KCNG2: variants seen among roughly 807,000 people sequenced by gnomAD.
KCNG2 encodes potassium voltage-gated channel modifier subfamily G member 2.
Under a neutral mutation model 12.3 loss-of-function variants are expected in KCNG2, and 7 were observed. The ratio of observed to expected loss-of-function variants is 0.57; its 90% CI spans 0.32 to 1.07. The LOEUF is 1.07. Ranked by LOEUF, KCNG2 falls within the 50% of genes least tolerant of loss-of-function variation. The pLI, the probability that KCNG2 is intolerant of heterozygous loss-of-function variation, is 0.04. For missense variants in KCNG2, 703 were observed against 726.0 expected (o/e 0.97, Z 0.36); for synonymous variants, 414 against 351.4 (o/e 1.18, Z -1.99).
At chr18:79,808,186 C>T (rs1328531335) in intron 1 of KCNG2, among the ~76,000 whole-genome samples, 1 of 94,120 alleles carries the variant, frequency 1.1e-5, no homozygotes, top group African/African-American at 4.5e-5. Flanking sequence ...AGTCCTCGCC[C>T]TGAGGAGCTG....
chr18:79,851,486 C>T (rs564532365), intron 1 of KCNG2, among the ~76,000 whole-genome samples: 7 of 152,236 alleles, frequency 4.6e-5, no homozygotes, highest in South Asian at 4.1e-4. Flanking sequence ...GGAGCGCCTC[C>T]GACACTCAGA....
chr18:79,865,973 T>C (rs960053053), intron 3 of KCNG2, among the ~76,000 whole-genome samples: 1 of 133,532 alleles, frequency 7.5e-6, no homozygotes, highest in African/African-American at 2.8e-5. Context: ...GAGAGGACTG[T>C]GTGCCGAGGT....
At chr18:79,889,976 T>C (rs1980689636) in intron 3 of KCNG2, among the ~76,000 whole-genome samples, 1 of 152,256 alleles carries the variant, frequency 6.6e-6, no homozygotes, top group Non-Finnish European at 1.5e-5. Flanking sequence ...GTTGACATGA[T>C]TGTGTGATTT....
At chr18:79,889,591 T>C (rs1391100453) in intron 3 of KCNG2, among the ~76,000 whole-genome samples, 1 of 152,264 alleles carries the variant, frequency 6.6e-6, no homozygotes, top group African/African-American at 2.4e-5. Flanking sequence ...TCGCATATTC[T>C]ACAACCTTGT....
chr18:79,875,756 C>G (rs533485296), intron 3 of KCNG2: 2 of 152,598 alleles, frequency 1.3e-5, no homozygotes, highest in African/African-American at 4.8e-5. Context: ...GCCTGGGTCT[C>G]TGCTGCTGAA....
intron 1 of KCNG2, among the ~76,000 whole-genome samples, chr18:79,827,724 G>A (rs896128135): frequency 1.3e-5 from 2 of 152,084 alleles, no homozygotes; most frequent in African/African-American, 4.8e-5. Context: ...ACCCAGTGCC[G>A]CAGCTCTGGA....
In KCNG2 at chr18:79,797,957, C is replaced by T. The variant is rs2087374860; in HGVS notation, c.-172C>T. Among the ~76,000 whole-genome samples, 1 of 151,408 alleles carries T rather than the reference C, an allele frequency of 6.6e-6. No homozygotes were observed. The highest frequency in any genetic ancestry group is 1.5e-5 in the Non-Finnish European group (1 of 67,778). ...GGCTCCAGAGACGCCGCGCTCCGCC[C>T]CGAGGAGGCCGCCGGCCGGGTAAGC... On this transcript the variant is annotated 5_prime_UTR_variant, in exon 1 of 4. Transcript: ENST00000316249.
intron 1 of KCNG2, among the ~76,000 whole-genome samples, chr18:79,827,202 C>T (rs1409611039): frequency 6.6e-6 from 1 of 152,220 alleles, no homozygotes; most frequent in East Asian, 1.9e-4. Flanking sequence ...AGCTGGGGCT[C>T]GGGCCAGACC....
At chr18:79,853,095 G>A (rs528237703) in intron 1 of KCNG2, among the ~76,000 whole-genome samples, 12 of 152,350 alleles carry the variant, frequency 7.9e-5, no homozygotes, top group Middle Eastern at 3.4e-3. Context: ...GCGGCAGTGC[G>A]TCCTGGTCAC....
intron 1 of KCNG2, among the ~76,000 whole-genome samples, chr18:79,832,708 G>A (rs1352347703): frequency 1.3e-5 from 2 of 152,208 alleles, no homozygotes; most frequent in Non-Finnish European, 2.9e-5. Flanking sequence ...GCCAGATCCT[G>A]CTCTCAGGAC....
intron 3 of KCNG2, among the ~76,000 whole-genome samples, chr18:79,868,636 G>A (rs1391818711): frequency 2.0e-5 from 3 of 152,372 alleles, no homozygotes; most frequent in Non-Finnish European, 2.9e-5. Context: ...GTCCAGCTGG[G>A]GGCTGGTGAA....
intron 1 of KCNG2, among the ~76,000 whole-genome samples, chr18:79,818,158 T>A (rs542423130): frequency 6.6e-6 from 1 of 152,230 alleles, no homozygotes; most frequent in Non-Finnish European, 1.5e-5. Context: ...TGGATCCATG[T>A]GTGGCTGCTG....
intron 3 of KCNG2, among the ~76,000 whole-genome samples, chr18:79,885,726 A>T (rs1415396982): frequency 6.6e-6 from 1 of 152,206 alleles, no homozygotes; most frequent in Non-Finnish European, 1.5e-5. Context: ...GGATGGGGAC[A>T]CACCGGGGAC....
At chr18:79,807,813 C>T in intron 1 of KCNG2, among the ~76,000 whole-genome samples, 1 of 145,880 alleles carries the variant, frequency 6.9e-6, no homozygotes, top group Non-Finnish European at 1.5e-5. Context: ...GTTATGGGCC[C>T]AGAGTCCGCG....
At chr18:79,878,740 C>T (rs747976299) in intron 3 of KCNG2, among the ~76,000 whole-genome samples, 6 of 152,154 alleles carry the variant, frequency 3.9e-5, no homozygotes, top group African/African-American at 9.7e-5. Context: ...CTGAAATGAT[C>T]GTAAAGGGAG....
chr18:79,805,289 C>T (rs2087440671), intron 1 of KCNG2, among the ~76,000 whole-genome samples: 1 of 152,240 alleles, frequency 6.6e-6, no homozygotes, highest in Non-Finnish European at 1.5e-5. Context: ...TTAACCTCTT[C>T]TCAATTTTCC....
rs905201455 is a variant in KCNG2 at position 79,802,367 on chromosome 18, G to T, written c.-115+4353G>T. ...CAGCCGTGCCGCTCCGGTCCGGAGA[G>T]CCTGGCCTCAACACCTGTCCCAGCC... On this transcript the variant is annotated intron_variant, in intron 1 of 3. Transcript: ENST00000316249. Among the ~76,000 whole-genome samples, 9 of 152,274 alleles carry T rather than the reference G, an allele frequency of 5.9e-5. No homozygotes were observed. In the South Asian group the frequency reaches 1.9e-3, roughly 32 times the overall value.
chr18:79,875,603 G>A (rs971653719), intron 3 of KCNG2, among the ~76,000 whole-genome samples: 3 of 152,128 alleles, frequency 2.0e-5, no homozygotes, highest in African/African-American at 4.8e-5. Flanking sequence ...CACCCTACAC[G>A]GTGGCACCAC....
chr18:79,860,554 AT>A (rs1174386903), intron 2 of KCNG2, among the ~76,000 whole-genome samples: 13 of 152,204 alleles, frequency 8.5e-5, no homozygotes, highest in Admixed American at 4.6e-4. Context: ...TATAAATGGA[AT>A]TTTTTTAACT....
Sources: allele counts gnomAD v4.1 joint callset (sites outside exome capture counted in the v4.1 genomes callset), GRCh38; gene constraint gnomAD v4.1.1; transcripts MANE v1.5; gene names NCBI Gene and HGNC (gene_info 2026-07-23, HGNC 2026-07-21).